Variants in PPP2R2A observed in about 807,000 individuals in gnomAD.
PPP2R2A encodes the protein serine/threonine-protein phosphatase 2A 55 kDa regulatory subunit B alpha isoform.
In PPP2R2A, 9 loss-of-function variants were observed where a neutral mutation model predicts 53.2. That is an observed-to-expected ratio of 0.17 (90% CI 0.10 to 0.30). The LOEUF (loss-of-function observed/expected upper bound fraction) is 0.30. Among genes scored for constraint, PPP2R2A ranks in the 10% least tolerant of loss-of-function variants. The probability of loss-of-function intolerance (pLI) is 1.00; values close to 1 mark genes in which losing one functional copy is unlikely to be tolerated. For missense variants in PPP2R2A, 235 were observed against 534.6 expected (o/e 0.44, Z 5.53); for synonymous variants, 169 against 174.2 (o/e 0.97, Z 0.23).
chr8:26,363,067 T>A (rs1033763410), intron 7 of PPP2R2A: 87 of 487,054 alleles, frequency 1.8e-4, no homozygotes, highest in Admixed American at 3.2e-4. Flanking sequence ...AAGGAATATA[T>A]CTCTCATGGA....
intron 2 of PPP2R2A, among the ~76,000 whole-genome samples, chr8:26,322,581 G>A (rs775976647): frequency 7.9e-5 from 12 of 151,298 alleles, no homozygotes; most frequent in Non-Finnish European, 1.3e-4. Flanking sequence ...TATATCACTC[G>A]ACTACTTGGG....
chr8:26,333,571 GTATT>G (rs1397446146), intron 2 of PPP2R2A: 1 of 1,148,316 alleles, frequency 8.7e-7, no homozygotes, highest in Non-Finnish European at 1.1e-6. Flanking sequence ...AAGAGCTGAG[GTATT>G]TAGAGAATGC....
At chr8:26,341,189 T>A (rs2117334293) in intron 3 of PPP2R2A, among the ~76,000 whole-genome samples, 1 of 152,326 alleles carries the variant, frequency 6.6e-6, no homozygotes, top group African/African-American at 2.4e-5. Flanking sequence ...AAGATGATGA[T>A]GGTGATTGAC....
At chr8:26,315,511 A>G (rs1467257439) in intron 2 of PPP2R2A, among the ~76,000 whole-genome samples, 2 of 152,150 alleles carry the variant, frequency 1.3e-5, no homozygotes, top group Non-Finnish European at 2.9e-5. Flanking sequence ...TCAAATTGAT[A>G]CCTTCTCAAG....
chr8:26,337,499 C>G (rs531600377), intron 2 of PPP2R2A, among the ~76,000 whole-genome samples: 1 of 152,166 alleles, frequency 6.6e-6, no homozygotes, highest in Non-Finnish European at 1.5e-5. Context: ...AGTGCAGGGA[C>G]TTTGTATATT....
chr8:26,314,888 T>TTCC (rs1563291388), intron 2 of PPP2R2A, among the ~76,000 whole-genome samples: 75 of 65,796 alleles, frequency 1.1e-3, no homozygotes, highest in African/African-American at 1.6e-3. Flanking sequence ...TTTTTTCCCT[T>TTCC]CCCCCCCCCC....
At chr8:26,340,743 T>G (rs1025299551) in intron 3 of PPP2R2A, among the ~76,000 whole-genome samples, 9 of 152,106 alleles carry the variant, frequency 5.9e-5, no homozygotes, top group African/African-American at 2.2e-4. Context: ...GGGGGAAATG[T>G]TTGTTTTAAT....
chr8:26,336,574 C>A (rs916811209), intron 2 of PPP2R2A, among the ~76,000 whole-genome samples: 3 of 152,092 alleles, frequency 2.0e-5, no homozygotes, highest in African/African-American at 4.8e-5. Flanking sequence ...ATTAAGGTTT[C>A]TTCCTTATTA....
In PPP2R2A at chr8:26,360,464, C is replaced by T; in HGVS notation, c.459+183C>T. On this transcript the variant is annotated intron_variant, in intron 5 of 9. Coordinates refer to ENST00000380737, the MANE Select transcript of PPP2R2A (RefSeq NM_002717.4). The surrounding 1 kb of genome is among the most constrained non-coding windows in gnomAD (Gnocchi z 4.5). Reference sequence around the variant, plus strand: ...GAAACTGACCTACATAGAGGTCTCACTTTGGCCAGGGACAGAAGCAGGACT... The same window carrying T: ...GAAACTGACCTACATAGAGGTCTCATTTTGGCCAGGGACAGAAGCAGGACT... 1 of 398,000 alleles carries T rather than the reference C, an allele frequency of 2.5e-6. No homozygotes were observed. The highest frequency in any genetic ancestry group is 4.4e-6 in the Non-Finnish European group (1 of 224,956). The allele number at this position is 398,000 out of a possible 1,614,324, so 24.7% of individuals were successfully genotyped here. A position where few individuals can be genotyped will look rare whatever the true frequency, so the allele number is the denominator to read the frequency against.
Position 26,360,067 on chromosome 8 carries a change from C to G in PPP2R2A, c.347-102C>G. The G allele has an allele frequency of 4.8e-6, 2 of 420,896 alleles. No homozygotes were observed. The highest frequency in any genetic ancestry group is 8.0e-6 in the Non-Finnish European group (2 of 250,428). The allele number at this position is 420,896 out of a possible 1,614,324, so 26.1% of individuals were successfully genotyped here. Reference sequence around the variant, plus strand: ...TTCAGATTAGGGTTTTTTTTTTTTTCGTGGAATCCTTTTACGTGAAATGTG... The same window carrying G: ...TTCAGATTAGGGTTTTTTTTTTTTTGGTGGAATCCTTTTACGTGAAATGTG... On this transcript the variant is annotated intron_variant, in intron 4 of 9. Transcript: ENST00000380737. The surrounding 1 kb of genome is among the most constrained non-coding windows in gnomAD (Gnocchi z 4.5).
At chr8:26,300,211 G>A (rs1410371478) in intron 2 of PPP2R2A, among the ~76,000 whole-genome samples, 1 of 152,096 alleles carries the variant, frequency 6.6e-6, no homozygotes, top group Non-Finnish European at 1.5e-5. Flanking sequence ...TTAGCCTTAG[G>A]TGTTTCTTAG....
chr8:26,355,824 C>T (rs538906774), intron 4 of PPP2R2A, among the ~76,000 whole-genome samples: 2 of 149,758 alleles, frequency 1.3e-5, no homozygotes, highest in South Asian at 4.2e-4. Flanking sequence ...GAGCCGAGAT[C>T]GCGCCATTGC....
chr8:26,296,354 T>C lies in PPP2R2A; in HGVS notation c.82+2614T>C, dbSNP rs1177843310. ...TCAGTTTATTTGCTGCTATGGCTAATGACCCAGCTAAACAGATACTGTTCT... is the reference window on the plus strand; with the variant it reads ...TCAGTTTATTTGCTGCTATGGCTAACGACCCAGCTAAACAGATACTGTTCT... On this transcript the variant is annotated intron_variant, in intron 2 of 9. Transcript: ENST00000380737. 2.0e-5 allele frequency among the ~76,000 whole-genome samples: 3 copies of C among 152,240 alleles called. 1 individual carries two copies. Among genetic ancestry groups the C allele is most frequent in the Non-Finnish European group, 1.5e-5 (1 of 68,034 alleles).
chr8:26,300,980 G>C (rs1431620345), intron 2 of PPP2R2A, among the ~76,000 whole-genome samples: 1 of 152,218 alleles, frequency 6.6e-6, no homozygotes, highest in African/African-American at 2.4e-5. Flanking sequence ...GCTTAACTAT[G>C]TATCAGGCAT....
intron 2 of PPP2R2A, among the ~76,000 whole-genome samples, chr8:26,307,388 G>A (rs1802069277): frequency 6.6e-6 from 1 of 152,118 alleles, no homozygotes; most frequent in Non-Finnish European, 1.5e-5. Flanking sequence ...GGTTCATTTT[G>A]GTGATTTATT....
chr8:26,331,619 T>A (rs921622644), intron 2 of PPP2R2A, among the ~76,000 whole-genome samples: 1 of 152,230 alleles, frequency 6.6e-6, no homozygotes, highest in Non-Finnish European at 1.5e-5. Flanking sequence ...ATACGAGTTA[T>A]TATAGCCAGC....
intron 1 of PPP2R2A, among the ~76,000 whole-genome samples, chr8:26,292,835 C>T (rs147799268): frequency 5.9e-5 from 9 of 152,116 alleles, no homozygotes; most frequent in African/African-American, 1.9e-4. Flanking sequence ...AGTACTTGCA[C>T]GTGAAATAGA....
intron 2 of PPP2R2A, among the ~76,000 whole-genome samples, chr8:26,315,554 T>G (rs377188548): frequency 2.7e-4 from 41 of 152,334 alleles, no homozygotes; most frequent in African/African-American, 8.7e-4. Context: ...GGTAAATGTG[T>G]TCTCTATTTT....
At chr8:26,364,205 G>A (rs1268770818) in intron 8 of PPP2R2A, among the ~76,000 whole-genome samples, 3 of 152,106 alleles carry the variant, frequency 2.0e-5, no homozygotes, top group Non-Finnish European at 4.4e-5. Flanking sequence ...TTGAGGTCTG[G>A]GCAGGAAGAG....
Sources: allele counts gnomAD v4.1 joint callset (sites outside exome capture counted in the v4.1 genomes callset), GRCh38; gene constraint gnomAD v4.1.1; non-coding constraint Gnocchi (gnomAD v3.1); transcripts MANE v1.5; gene names NCBI Gene and HGNC (gene_info 2026-07-23, HGNC 2026-07-21).